The following PTPN5 variants were observed in gnomAD, a reference collection of about 807,000 sequenced individuals.
PTPN5 encodes protein tyrosine phosphatase non-receptor type 5, also known as tyrosine-protein phosphatase non-receptor type 5.
In PTPN5, 29 loss-of-function variants were observed where a neutral mutation model predicts 73.9. The ratio of observed to expected loss-of-function variants is 0.39; its 90% CI spans 0.29 to 0.54. The LOEUF (loss-of-function observed/expected upper bound fraction) is 0.54. Among genes scored for constraint, PTPN5 ranks in the 20% least tolerant of loss-of-function variants. The pLI is 0.65. For missense variants in PTPN5, 652 were observed against 751.4 expected (o/e 0.87, Z 1.55); for synonymous variants, 267 against 304.7 (o/e 0.88, Z 1.29).
chr11:18,735,356 C>T (rs945129882), intron 9 of PTPN5, among the ~76,000 whole-genome samples: 1 of 151,958 alleles, frequency 6.6e-6, no homozygotes, highest in African/African-American at 2.4e-5. Flanking sequence ...TTTGGGGGAC[C>T]TGCAGCAGAG....
Position 18,732,675 on chromosome 11 carries a change from G to A in PTPN5, c.1246C>T (p.Gln416Ter). 6.2e-7 allele frequency: 1 copy of A among 1,613,844 alleles called. No homozygotes were observed. The change falls in exon 12 of 15, where the codon CAG becomes TAG. Residue 416 changes from glutamine (Q) to a stop codon, truncating the protein, a stop_gained. Coordinates refer to ENST00000358540, the MANE Select transcript of PTPN5 (RefSeq NM_006906.2). LOFTEE classifies it high-confidence loss of function. ...EKCTEYWPEEQVAYDGVEITV... is the reference protein window; with the variant it reads ...EKCTEYWPEE ...ATCTCAACACCGTCGTACGCCACCT[G>A]CTCCTCCGGCCAATACTCGGTGCAT...
chr11:18,771,056 C>T lies in PTPN5; in HGVS notation c.20+883G>A, dbSNP rs536561974. On this transcript the variant is annotated intron_variant, in intron 2 of 14. Transcript: ENST00000358540. ...CTGGTTTGCTGAGCCAATCAGGGAG[C>T]CTGAGCCTGCTTCCAAGGTCGGTGA... Among the ~76,000 whole-genome samples, 9 of 152,258 alleles carry T rather than the reference C, an allele frequency of 5.9e-5. 1 individual carries two copies. The highest frequency in any genetic ancestry group is 2.2e-4 in the African/African-American group (9 of 41,552).
At position 18,729,473 on chromosome 11, in the gene PTPN5, C is replaced by G; in HGVS notation, c.1584G>C (p.Thr528=). ...QEGVVDILKT[T]CQLRQDRGGM... is the part of the protein sequence containing the mutation. ...CTGACCTGTCCTGACGGAGCTGGCA[C>G]GTGGTCTTCAGGATGTCCACCACAC... Residue 528 remains threonine, a synonymous_variant, in exon 14 of 15, where the codon ACG becomes ACC. Transcript: ENST00000358540. The surrounding 1 kb of genome is among the most constrained non-coding windows in gnomAD (Gnocchi z 5.2). 1.9e-6 allele frequency: 3 copies of G among 1,564,526 alleles called. No homozygotes were observed. The highest frequency in any genetic ancestry group is 2.6e-6 in the Non-Finnish European group (3 of 1,139,590).
At position 18,729,217 on chromosome 11, in the gene PTPN5, C is replaced by T. The variant is rs535994300; in HGVS notation, c.1605-190G>A. Among the ~76,000 whole-genome samples the T allele has an allele frequency of 1.3e-5, 2 of 152,280 alleles. No homozygotes were observed. Among genetic ancestry groups the T allele is most frequent in the South Asian group, 2.1e-4 (1 of 4,828 alleles). On this transcript the variant is annotated intron_variant, in intron 14 of 14. Transcript: ENST00000358540. This position sits in a 1 kb window ranked among gnomAD's most constrained non-coding sequence, Gnocchi z 5.2. ...CACAGATGACATGTCCTACCACTTT[C>T]GGCCTCTGTCCTTTTATCCACCAGC... is the stretch of plus-strand genomic sequence containing the variant.
intron 2 of PTPN5, among the ~76,000 whole-genome samples, chr11:18,769,861 T>G (rs761343935): frequency 1.3e-5 from 2 of 152,122 alleles, no homozygotes; most frequent in Non-Finnish European, 2.9e-5. Context: ...GAGCAGCAGA[T>G]GGGGGCTAGG....
At position 18,729,853 on chromosome 11, in the gene PTPN5, G is replaced by A; in HGVS notation, c.1330-35C>T. ...AGACAGAGGCCCACCCCAGGTATGTGTGAACTCTTTCAGCTCACAAACCAG... is the reference window on the plus strand; with the variant it reads ...AGACAGAGGCCCACCCCAGGTATGTATGAACTCTTTCAGCTCACAAACCAG... On this transcript the variant is annotated intron_variant, in intron 12 of 14. Coordinates refer to ENST00000358540, the MANE Select transcript of PTPN5 (RefSeq NM_006906.2). The surrounding 1 kb of genome is among the most constrained non-coding windows in gnomAD (Gnocchi z 5.2). 1.2e-6 allele frequency: 2 copies of A among 1,613,932 alleles called. No homozygotes were observed. The highest frequency in any genetic ancestry group is 1.7e-6 in the Non-Finnish European group (2 of 1,179,832).
rs936272518 is a variant in PTPN5 at position 18,742,583 on chromosome 11, G to GC, written c.484-81dup. The GC allele has an allele frequency of 4.4e-5, 69 of 1,555,828 alleles. No homozygotes were observed. The highest frequency in any genetic ancestry group is 2.3e-4 in the Middle Eastern group (1 of 4,368). On this transcript the variant is annotated intron_variant, in intron 6 of 14. Transcript: ENST00000358540. This position sits in a 1 kb window ranked among gnomAD's most constrained non-coding sequence, Gnocchi z 4.1. ...TTCCTGGAGTGCCCATGGGATTGAC[G>GC]CCCCCCCACTCCCTCAGTGTGTCTA... is the stretch of plus-strand genomic sequence containing the variant.
At chr11:18,756,002 T>TCAA (rs1554919970) in intron 3 of PTPN5, among the ~76,000 whole-genome samples, 1 of 113,192 alleles carries the variant, frequency 8.8e-6, no homozygotes, top group Non-Finnish European at 1.7e-5. Flanking sequence ...AGACTCTAAA[T>TCAA]AAAAAAAAAA....
At chr11:18,750,960 C>T (rs1265869096) in intron 3 of PTPN5, among the ~76,000 whole-genome samples, 1 of 152,212 alleles carries the variant, frequency 6.6e-6, no homozygotes. Flanking sequence ...GCAGGTTTGC[C>T]TACCTGGCCT....
chr11:18,783,682 G>A (rs1458957129), intron 1 of PTPN5, among the ~76,000 whole-genome samples: 1 of 152,298 alleles, frequency 6.6e-6, no homozygotes, highest in East Asian at 1.9e-4. Context: ...CTTATGATGA[G>A]CCTAGAATGC....
At chr11:18,784,369 C>G (rs1350788191) in intron 1 of PTPN5, among the ~76,000 whole-genome samples, 1 of 151,680 alleles carries the variant, frequency 6.6e-6, no homozygotes, top group Non-Finnish European at 1.5e-5. Flanking sequence ...CCCTTGAAAA[C>G]ATTAGGCTAA....
At chr11:18,792,296 T>C (rs1026599879), upstream of PTPN5, 1 of 152,360 alleles carries the variant, frequency 6.6e-6, no homozygotes, top group African/African-American at 2.4e-5. Flanking sequence ...GCTCCCCGCA[T>C]GTTGCCAACA....
At chr11:18,789,892 G>T (rs183573665) in intron 1 of PTPN5, among the ~76,000 whole-genome samples, 77 of 152,120 alleles carry the variant, frequency 5.1e-4, no homozygotes, top group African/African-American at 1.7e-3. Context: ...CACCGTTAAA[G>T]AACTTACTCA....
intron 1 of PTPN5, among the ~76,000 whole-genome samples, chr11:18,788,162 C>T (rs1851754345): frequency 6.6e-6 from 1 of 152,176 alleles, no homozygotes; most frequent in Admixed American, 6.5e-5. Flanking sequence ...TGCATCAACT[C>T]CTTTTTCTAA....
chr11:18,746,353 G>A (rs1347021517), intron 3 of PTPN5, among the ~76,000 whole-genome samples: 5 of 151,402 alleles, frequency 3.3e-5, no homozygotes, highest in East Asian at 3.9e-4. Context: ...CACCATGCCT[G>A]GCTAATTTTT....
At chr11:18,732,113 C>G (rs1403521587) in intron 12 of PTPN5, among the ~76,000 whole-genome samples, 1 of 152,162 alleles carries the variant, frequency 6.6e-6, no homozygotes, top group Non-Finnish European at 1.5e-5. Flanking sequence ...ACCACAGCCC[C>G]CTGTACAACC....
intron 1 of PTPN5, among the ~76,000 whole-genome samples, chr11:18,790,977 A>C (rs1179946964): frequency 6.6e-6 from 1 of 152,134 alleles, no homozygotes; most frequent in Non-Finnish European, 1.5e-5. Flanking sequence ...CCGGTTTTGC[A>C]GGAGCCTGGG....
chr11:18,768,829 T>A (rs1273731299), intron 2 of PTPN5, among the ~76,000 whole-genome samples: 3 of 152,168 alleles, frequency 2.0e-5, no homozygotes, highest in Non-Finnish European at 4.4e-5. Context: ...ACATGGCCCA[T>A]TCAGGCTGGA....
intron 3 of PTPN5, among the ~76,000 whole-genome samples, chr11:18,754,561 A>G (rs936603129): frequency 1.3e-5 from 2 of 152,192 alleles, no homozygotes; most frequent in Non-Finnish European, 2.9e-5. Flanking sequence ...AAGTTGAACC[A>G]ATCAACCCAA....
Sources: allele counts gnomAD v4.1 joint callset (sites outside exome capture counted in the v4.1 genomes callset), GRCh38; gene constraint gnomAD v4.1.1; non-coding constraint Gnocchi (gnomAD v3.1); transcripts MANE v1.5; gene names NCBI Gene and HGNC (gene_info 2026-07-23, HGNC 2026-07-21).